Variants in AGMO observed in about 807,000 individuals in gnomAD.
The protein encoded by AGMO is alkylglycerol monooxygenase, also known as glyceryl-ether monooxygenase.
Under a neutral mutation model 60.2 loss-of-function variants are expected in AGMO, and 75 were observed. The observed-to-expected ratio is 1.25, with a 90% CI of 1.03 to 1.51. The LOEUF (loss-of-function observed/expected upper bound fraction) is 1.51, where lower values mean the gene tolerates loss of function less well. Ranked by LOEUF, AGMO falls within the 40% of genes most tolerant of loss-of-function variation. The pLI, the probability that AGMO is intolerant of heterozygous loss-of-function variation, is 0.00. For missense variants in AGMO, 763 were observed against 525.5 expected (o/e 1.45, Z -4.42); for synonymous variants, 261 against 177.1 (o/e 1.47, Z -3.76).
At chr7:15,383,757 T>G (rs1012555675) in intron 10 of AGMO, among the ~76,000 whole-genome samples, 1 of 152,184 alleles carries the variant, frequency 6.6e-6, no homozygotes, top group Non-Finnish European at 1.5e-5. Flanking sequence ...ATTCTCTGTA[T>G]TCACTGAATG....
chr7:15,303,631 TGA>T (rs1037602765), intron 12 of AGMO, among the ~76,000 whole-genome samples: 11 of 152,070 alleles, frequency 7.2e-5, no homozygotes, highest in South Asian at 2.1e-4. Context: ...TTAGAAAAAG[TGA>T]GAGAGTTGTG....
chr7:15,195,574 G>C (rs1781098571), downstream of AGMO, among the ~76,000 whole-genome samples: 1 of 152,202 alleles, frequency 6.6e-6, no homozygotes, highest in Non-Finnish European at 1.5e-5. Context: ...CACGTGGTTA[G>C]CAAAGAAAAG....
intron 12 of AGMO, among the ~76,000 whole-genome samples, chr7:15,326,379 A>T (rs1191174593): frequency 1.3e-5 from 2 of 152,174 alleles, no homozygotes; most frequent in Non-Finnish European, 2.9e-5. Flanking sequence ...GGCAAAATGT[A>T]AATTGATGAA....
chr7:15,532,248 G>T (rs190983126), intron 3 of AGMO, among the ~76,000 whole-genome samples: 1 of 152,150 alleles, frequency 6.6e-6, no homozygotes, highest in African/African-American at 2.4e-5. Context: ...AAATAGATAG[G>T]ATTGGTGTTG....
intron 10 of AGMO, among the ~76,000 whole-genome samples, chr7:15,371,421 G>A (rs752743048): frequency 1.3e-5 from 2 of 148,998 alleles, no homozygotes; most frequent in African/African-American, 5.0e-5. Context: ...ACAGAATTTC[G>A]TTCTTGTTGC....
At chr7:15,299,231 A>C in intron 12 of AGMO, among the ~76,000 whole-genome samples, 1 of 151,988 alleles carries the variant, frequency 6.6e-6, no homozygotes, top group Non-Finnish European at 1.5e-5. Flanking sequence ...AATAAATATA[A>C]TAATATAATA....
chr7:15,145,322 TATAAA>T, the AGMO span, among the ~76,000 whole-genome samples: 2 of 152,156 alleles, frequency 1.3e-5, no homozygotes, highest in Non-Finnish European at 2.9e-5. Flanking sequence ...ATAAAAATCC[TATAAA>T]ATAAAATAGC....
intron 4 of AGMO, among the ~76,000 whole-genome samples, chr7:15,428,338 A>G (rs1322523369): frequency 6.6e-6 from 1 of 152,082 alleles, no homozygotes; most frequent in Non-Finnish European, 1.5e-5. Context: ...ATTTCCCACC[A>G]TGCAAGTTCC....
intron 3 of AGMO, among the ~76,000 whole-genome samples, chr7:15,538,601 A>C (rs1176071605): frequency 6.6e-6 from 1 of 152,190 alleles, no homozygotes; most frequent in Non-Finnish European, 1.5e-5. Flanking sequence ...CAAAAATCTT[A>C]GGTATATTCT....
At chr7:15,362,977 C>G (rs1782823438) in intron 12 of AGMO, among the ~76,000 whole-genome samples, 1 of 152,090 alleles carries the variant, frequency 6.6e-6, no homozygotes, top group Non-Finnish European at 1.5e-5. Context: ...TAGTTATGTG[C>G]ATTTAGACAA....
In AGMO at chr7:15,238,567, A is replaced by C. The variant is rs551682153; in HGVS notation, c.1264-37208T>G. Among the ~76,000 whole-genome samples, 7 of 151,744 alleles carry C rather than the reference A, an allele frequency of 4.6e-5. No homozygotes were observed. The East Asian group carries it at 7.7e-4, about 17-fold the overall frequency. On this transcript the variant is annotated intron_variant, in intron 12 of 12. Transcript: ENST00000342526. ...CTATAATATTAATATAGCAATTAAA[A>C]TAATTTTAAAAATTTTAATTTTTCA...
intron 5 of AGMO, among the ~76,000 whole-genome samples, chr7:15,412,636 C>G (rs1027246594): frequency 2.7e-5 from 4 of 149,764 alleles, no homozygotes; most frequent in African/African-American, 7.4e-5. Flanking sequence ...GAGTTCAAAT[C>G]CTGCCACGTG....
intron 12 of AGMO, among the ~76,000 whole-genome samples, chr7:15,284,017 A>G (rs1203291961): frequency 6.6e-6 from 1 of 152,114 alleles, no homozygotes; most frequent in Admixed American, 6.6e-5. Context: ...GAATTTAAAA[A>G]GTTATTTGAA....
chr7:15,419,369 G>A (rs1780866046), intron 4 of AGMO, among the ~76,000 whole-genome samples: 1 of 151,910 alleles, frequency 6.6e-6, no homozygotes, highest in Admixed American at 6.6e-5. Context: ...ATCCCCAAGA[G>A]TGGTTTCATG....
At chr7:15,189,182 G>A in the AGMO span, among the ~76,000 whole-genome samples, 1 of 152,072 alleles carries the variant, frequency 6.6e-6, no homozygotes, top group Non-Finnish European at 1.5e-5. Flanking sequence ...CCATCAAAAG[G>A]CTTTAAGAAA....
intron 3 of AGMO, among the ~76,000 whole-genome samples, chr7:15,524,202 A>G (rs905073438): frequency 6.6e-6 from 1 of 152,062 alleles, no homozygotes; most frequent in Admixed American, 6.5e-5. Flanking sequence ...TGAGATATCA[A>G]CATAAGATTA....
the AGMO span, among the ~76,000 whole-genome samples, chr7:15,144,038 T>C: frequency 2.0e-5 from 3 of 152,214 alleles, no homozygotes; most frequent in African/African-American, 7.2e-5. Context: ...CATTGACCTA[T>C]TGAACTATTT....
the AGMO span, among the ~76,000 whole-genome samples, chr7:15,121,205 T>C: frequency 6.6e-6 from 1 of 152,194 alleles, no homozygotes; most frequent in Admixed American, 6.5e-5. Context: ...CCACATTTTC[T>C]TTATCCAGTC....
intron 3 of AGMO, among the ~76,000 whole-genome samples, chr7:15,468,262 G>GT (rs1782344941): frequency 6.6e-6 from 1 of 152,082 alleles, no homozygotes; most frequent in Non-Finnish European, 1.5e-5. Flanking sequence ...AATTGCTTTT[G>GT]TTTTTACTTT....
Sources: allele counts gnomAD v4.1 joint callset (sites outside exome capture counted in the v4.1 genomes callset), GRCh38; gene constraint gnomAD v4.1.1; transcripts MANE v1.5; gene names NCBI Gene and HGNC (gene_info 2026-07-23, HGNC 2026-07-21).